The following AGBL4 variants were observed in gnomAD, a reference collection of about 807,000 sequenced individuals.
The protein encoded by AGBL4 is cytosolic carboxypeptidase 6.
Under a neutral mutation model 66.4 loss-of-function variants are expected in AGBL4, and 58 were observed. That is an observed-to-expected ratio of 0.87 (90% CI 0.71 to 1.09). AGBL4 has a LOEUF of 1.09. Among genes scored for constraint, AGBL4 ranks in the 50% least tolerant of loss-of-function variants. The pLI is 0.00. For synonymous variants in AGBL4, 234 were observed against 222.9 expected (o/e 1.05, Z -0.44); for missense variants, 579 against 631.0 (o/e 0.92, Z 0.88).
intron 5 of AGBL4, among the ~76,000 whole-genome samples, chr1:48,958,010 GTTTTGTT>G (rs1398696444): frequency 5.9e-5 from 9 of 151,360 alleles, no homozygotes; most frequent in Admixed American, 2.0e-4. Context: ...TTGTTTGTTT[GTTTTGTT>G]TTTTGTTTTT....
At position 48,625,387 on chromosome 1, in the gene AGBL4, T is replaced by C. The variant is rs527735560; in HGVS notation, c.951+9106A>G. The stretch of plus-strand genomic sequence containing the variant: ...CTCCCTCTCTCCTAACACACATTCA[T>C]TGAGGGCCTGTTCCCTGTGCTGGGT... On this transcript the variant is annotated intron_variant, in intron 9 of 13. Coordinates refer to ENST00000371839, the MANE Select transcript of AGBL4 (RefSeq NM_032785.4). 5.3e-5 allele frequency among the ~76,000 whole-genome samples: 8 copies of C among 152,240 alleles called. No individual in the cohort carries two copies. In the Middle Eastern group the frequency reaches 0.014, roughly 259 times the overall value.
chr1:49,913,681 G>T (rs981655972), intron 1 of AGBL4, among the ~76,000 whole-genome samples: 1 of 152,266 alleles, frequency 6.6e-6, no homozygotes, highest in Non-Finnish European at 1.5e-5. Flanking sequence ...GCAGGTTGCT[G>T]CCTGGGCAAC....
chr1:48,798,414 C>T (rs1295397073), intron 6 of AGBL4, among the ~76,000 whole-genome samples: 1 of 152,020 alleles, frequency 6.6e-6, no homozygotes, highest in Non-Finnish European at 1.5e-5. Context: ...AGATTTTCTC[C>T]CACTCTGTGG....
chr1:49,604,079 T>C (rs952091379), intron 3 of AGBL4, among the ~76,000 whole-genome samples: 2 of 152,162 alleles, frequency 1.3e-5, no homozygotes, highest in African/African-American at 4.8e-5. Flanking sequence ...TTCTTTTCCT[T>C]TGGGTAGATA....
chr1:48,940,676 G>A (rs1363595027), intron 5 of AGBL4, among the ~76,000 whole-genome samples: 1 of 152,170 alleles, frequency 6.6e-6, no homozygotes, highest in Non-Finnish European at 1.5e-5. Flanking sequence ...TGCTTATGAT[G>A]AGTGAAGCTG....
intron 4 of AGBL4, among the ~76,000 whole-genome samples, chr1:49,221,009 C>A (rs1453912294): frequency 6.6e-6 from 1 of 151,954 alleles, no homozygotes; most frequent in Admixed American, 6.6e-5. Context: ...AAGAACGCAA[C>A]CAAAAACCTA....
chr1:49,831,563 C>A (rs1175922825), intron 2 of AGBL4, among the ~76,000 whole-genome samples: 2 of 152,118 alleles, frequency 1.3e-5, no homozygotes, highest in African/African-American at 4.8e-5. Context: ...CAAATAGAGA[C>A]AATTAGACTT....
chr1:49,863,590 A>C (rs1189441967), intron 1 of AGBL4, among the ~76,000 whole-genome samples: 2 of 152,214 alleles, frequency 1.3e-5, no homozygotes, highest in South Asian at 4.1e-4. Flanking sequence ...CTATAAGAAA[A>C]TTTCTAATAA....
At chr1:48,919,218 T>C (rs28669276) in intron 5 of AGBL4, among the ~76,000 whole-genome samples, 16,326 of 152,256 alleles carry the variant, frequency 0.11, 978 homozygotes, top group African/African-American at 0.13. Context: ...CTTTAAGCTA[T>C]GGAACTCTCT....
At chr1:49,635,013 G>A (rs1645644242) in intron 3 of AGBL4, among the ~76,000 whole-genome samples, 1 of 152,132 alleles carries the variant, frequency 6.6e-6, no homozygotes, top group Non-Finnish European at 1.5e-5. Flanking sequence ...TTCTTCCTTT[G>A]AGGGTATCTT....
intron 6 of AGBL4, among the ~76,000 whole-genome samples, chr1:48,757,821 T>G (rs945488518): frequency 1.3e-5 from 2 of 152,206 alleles, no homozygotes; most frequent in Admixed American, 6.5e-5. Context: ...TGGGGATATT[T>G]CTAGACTAGA....
chr1:48,901,937 C>T (rs2148869855), intron 5 of AGBL4, among the ~76,000 whole-genome samples: 1 of 152,294 alleles, frequency 6.6e-6, no homozygotes, highest in East Asian at 1.9e-4. Context: ...TTCCACATGG[C>T]TGGGGAGGCC....
chr1:48,696,894 T>C (rs1036822244), intron 6 of AGBL4, among the ~76,000 whole-genome samples: 1 of 152,148 alleles, frequency 6.6e-6, no homozygotes, highest in Non-Finnish European at 1.5e-5. Context: ...GACTTCCTTC[T>C]CCGTGGCCCC....
intron 6 of AGBL4, chr1:48,818,264 A>G (rs532493702): frequency 1.4e-6 from 1 of 717,442 alleles, no homozygotes; most frequent in African/African-American, 1.7e-5. Flanking sequence ...ATTTGCAATC[A>G]ATATTATCTC....
chr1:49,335,489 AAC>A (rs978438518), intron 3 of AGBL4, among the ~76,000 whole-genome samples: 1 of 152,116 alleles, frequency 6.6e-6, no homozygotes, highest in African/African-American at 2.4e-5. Flanking sequence ...ATGATTTCCT[AAC>A]ACACGTAGAA....
At chr1:48,788,223 G>T (rs888660664) in intron 6 of AGBL4, among the ~76,000 whole-genome samples, 1 of 152,220 alleles carries the variant, frequency 6.6e-6, no homozygotes, top group Non-Finnish European at 1.5e-5. Context: ...TCACACAGTA[G>T]GTTGCAAAAA....
intron 4 of AGBL4, among the ~76,000 whole-genome samples, chr1:49,209,997 T>C (rs1490429162): frequency 1.3e-5 from 2 of 152,066 alleles, no homozygotes; most frequent in African/African-American, 2.4e-5. Context: ...AAATAGCTAT[T>C]AAACAAAAAG....
intron 3 of AGBL4, among the ~76,000 whole-genome samples, chr1:49,661,366 G>A (rs1443989777): frequency 2.6e-5 from 4 of 152,072 alleles, no homozygotes; most frequent in South Asian, 2.1e-4. Flanking sequence ...AGTGGGAGGC[G>A]TTTGGGTCAT....
Position 49,658,593 on chromosome 1 carries a change from GA to G in AGBL4, c.282+38719del, listed in dbSNP as rs772445122. Among the ~76,000 whole-genome samples, 30 of 152,246 alleles carry G rather than the reference GA, an allele frequency of 2.0e-4. No homozygotes were observed. In the East Asian group the frequency reaches 5.0e-3, roughly 25 times the overall value. Reference sequence around the variant, plus strand: ...TTGTGGCACTACTCACAATAGCAAAGACTTGGAACCAACCCAAATGTCCATC... The same window carrying G: ...TTGTGGCACTACTCACAATAGCAAAGCTTGGAACCAACCCAAATGTCCATC... On this transcript the variant is annotated intron_variant, in intron 3 of 13. Transcript: ENST00000371839.
Sources: gnomAD v4.1 joint callset for allele counts (sites outside exome capture counted in the v4.1 genomes callset) on GRCh38, gnomAD v4.1.1 for gene constraint, MANE v1.5 for transcripts, NCBI Gene and HGNC (gene_info 2026-07-23, HGNC 2026-07-21) for gene names.